The following RPRD1A variants were observed in gnomAD, a reference collection of about 807,000 sequenced individuals.
RPRD1A encodes regulation of nuclear pre-mRNA domain-containing protein 1A.
RPRD1A carries 9 observed loss-of-function variants against 37.8 expected under a neutral mutation model. The observed-to-expected ratio is 0.24, with a 90% CI of 0.14 to 0.42. The LOEUF (loss-of-function observed/expected upper bound fraction) is 0.42. Ranked by LOEUF, RPRD1A falls within the 10% of genes least tolerant of loss-of-function variation. The pLI is 1.00. For missense variants in RPRD1A, 255 were observed against 371.0 expected, an observed-to-expected ratio of 0.69 and a Z score of 2.57; for synonymous variants, 138 against 139.7, an observed-to-expected ratio of 0.99 and a Z score of 0.08.
rs1910016729 is a variant in RPRD1A at position 36,009,249 on chromosome 18, A to C, written c.790-15949T>G. Among the ~76,000 whole-genome samples, 3 of 152,134 alleles carry C rather than the reference A, an allele frequency of 2.0e-5. No homozygotes were observed. The South Asian group carries it at 6.2e-4, about 32-fold the overall frequency. On this transcript the variant is annotated intron_variant, in intron 6 of 6. Coordinates refer to ENST00000399022, the MANE Select transcript of RPRD1A (RefSeq NM_018170.5). ...GGATTATCCCAGCAACTGGTTTTCC[A>C]TATTGATTATCTCAATCACTCCTGG...
intron 1 of RPRD1A, among the ~76,000 whole-genome samples, chr18:36,034,060 G>C (rs915463788): frequency 6.6e-6 from 1 of 151,740 alleles, no homozygotes; most frequent in African/African-American, 2.4e-5. Context: ...ACTCTATCCT[G>C]TATTAAATTT....
chr18:36,001,361 ACCCT>A (rs1909406400), intron 6 of RPRD1A, among the ~76,000 whole-genome samples: 1 of 152,150 alleles, frequency 6.6e-6, no homozygotes, highest in Non-Finnish European at 1.5e-5. Context: ...TAAAGAAATG[ACCCT>A]CCATAATCAG....
At chr18:36,021,873 T>C (rs1256405776) in intron 6 of RPRD1A, among the ~76,000 whole-genome samples, 2 of 152,092 alleles carry the variant, frequency 1.3e-5, no homozygotes, top group East Asian at 3.9e-4. Context: ...TGGTATCACA[T>C]GCCTCTACTT....
At chr18:36,066,987 T>C (rs867527194) in intron 1 of RPRD1A, among the ~76,000 whole-genome samples, 2 of 152,256 alleles carry the variant, frequency 1.3e-5, no homozygotes, top group African/African-American at 4.8e-5. Flanking sequence ...CTGGCCCTAA[T>C]TGGGTGTGGA....
intron 1 of RPRD1A, among the ~76,000 whole-genome samples, chr18:36,060,433 C>CA (rs965566484): frequency 1.3e-5 from 2 of 150,738 alleles, no homozygotes; most frequent in East Asian, 1.9e-4. Context: ...GACTCTGTCT[C>CA]AAAAAAAATA....
chr18:36,063,317 G>A (rs1000191925), intron 1 of RPRD1A, among the ~76,000 whole-genome samples: 15 of 152,088 alleles, frequency 9.9e-5, no homozygotes, highest in African/African-American at 3.4e-4. Context: ...TTAGGCCTGC[G>A]CCATCATGCC....
At chr18:36,001,317 T>G (rs1909403810) in intron 6 of RPRD1A, among the ~76,000 whole-genome samples, 1 of 152,182 alleles carries the variant, frequency 6.6e-6, no homozygotes, top group Non-Finnish European at 1.5e-5. Context: ...TATTTCTGTT[T>G]TTGAAATTTC....
chr18:36,023,839 AT>A (rs372429529), intron 6 of RPRD1A, among the ~76,000 whole-genome samples: 29 of 152,326 alleles, frequency 1.9e-4, no homozygotes, highest in Non-Finnish European at 2.2e-4. Flanking sequence ...AGATACGTAC[AT>A]TTTTTATATG....
At chr18:36,050,864 T>A (rs534584143) in intron 1 of RPRD1A, among the ~76,000 whole-genome samples, 21 of 150,244 alleles carry the variant, frequency 1.4e-4, no homozygotes, top group African/African-American at 5.1e-4. Flanking sequence ...TTTTCTTTTC[T>A]TTTCTTTTTT....
intron 1 of RPRD1A, among the ~76,000 whole-genome samples, chr18:36,041,909 C>A (rs1371521336): frequency 6.6e-6 from 1 of 152,206 alleles, no homozygotes; most frequent in African/African-American, 2.4e-5. Context: ...GTGATGTACT[C>A]CTGTACTACT....
intron 6 of RPRD1A, among the ~76,000 whole-genome samples, chr18:36,024,241 G>A (rs1911205551): frequency 1.3e-5 from 2 of 151,752 alleles, no homozygotes; most frequent in South Asian, 2.1e-4. Context: ...CCACCTCCCA[G>A]GTTCAAGTGA....
intron 6 of RPRD1A, among the ~76,000 whole-genome samples, chr18:36,017,200 C>T (rs1170452983): frequency 2.0e-5 from 3 of 152,048 alleles, no homozygotes; most frequent in Non-Finnish European, 4.4e-5. Context: ...GTCCCAGCTA[C>T]TCGGGAGGCT....
At chr18:36,049,662 G>A (rs2144371354) in intron 1 of RPRD1A, among the ~76,000 whole-genome samples, 1 of 152,298 alleles carries the variant, frequency 6.6e-6, no homozygotes, top group East Asian at 1.9e-4. Flanking sequence ...TTTTAAGGCT[G>A]AATGATTCTG....
intron 6 of RPRD1A, among the ~76,000 whole-genome samples, chr18:35,997,302 T>G (rs1449103321): frequency 6.6e-6 from 1 of 152,212 alleles, no homozygotes; most frequent in Non-Finnish European, 1.5e-5. Context: ...TTTCGGACCA[T>G]GTAACAATGT....
At chr18:36,034,551 CAAATA>C (rs1201825178) in intron 1 of RPRD1A, among the ~76,000 whole-genome samples, 1 of 152,116 alleles carries the variant, frequency 6.6e-6, no homozygotes, top group Non-Finnish European at 1.5e-5. Context: ...GAATATGACT[CAAATA>C]AGATTATACA....
chr18:36,011,896 C>T (rs761350292), intron 6 of RPRD1A, among the ~76,000 whole-genome samples: 45 of 152,326 alleles, frequency 3.0e-4, no homozygotes, highest in Admixed American at 1.3e-3. Context: ...TGGTCCAAAA[C>T]TATTACATGA....
chr18:36,059,101 C>G (rs555272912), intron 1 of RPRD1A, among the ~76,000 whole-genome samples: 1 of 152,202 alleles, frequency 6.6e-6, no homozygotes, highest in East Asian at 1.9e-4. Flanking sequence ...ATCAAAACAT[C>G]AAACTGTATC....
intron 1 of RPRD1A, among the ~76,000 whole-genome samples, chr18:36,039,182 A>G (rs1912409751): frequency 6.6e-6 from 1 of 152,124 alleles, no homozygotes; most frequent in Admixed American, 6.5e-5. Context: ...TCAAATTATA[A>G]TCTCCACATG....
intron 1 of RPRD1A, among the ~76,000 whole-genome samples, chr18:36,046,573 T>C (rs1912967020): frequency 1.3e-5 from 2 of 151,786 alleles, no homozygotes; most frequent in Non-Finnish European, 2.9e-5. Flanking sequence ...CACATGCCTG[T>C]AATCTCAGCA....
Sources: gnomAD v4.1 joint callset for allele counts (sites outside exome capture counted in the v4.1 genomes callset) on GRCh38, gnomAD v4.1.1 for gene constraint, MANE v1.5 for transcripts, NCBI Gene and HGNC (gene_info 2026-07-23, HGNC 2026-07-21) for gene names.